Variants in DGKI observed in about 807,000 individuals in gnomAD.
DGKI encodes diacylglycerol kinase iota, also known as DAG kinase iota.
Under a neutral mutation model 147.5 loss-of-function variants are expected in DGKI, and 55 were observed. The observed-to-expected ratio is 0.37, with a 90% confidence interval of 0.30 to 0.47. The LOEUF is 0.47. DGKI is among the 20% of genes least tolerant of loss of function. The pLI is 1.00. For missense variants in DGKI, 1,007 were observed against 1,323.8 expected (o/e 0.76, Z 3.71); for synonymous variants, 469 against 477.1 (o/e 0.98, Z 0.22).
In DGKI at chr7:137,579,371, C is replaced by G. The variant is rs1197875429; in HGVS notation, c.1643-1046G>C. 2.0e-5 allele frequency among the ~76,000 whole-genome samples: 3 copies of G among 146,710 alleles called. No homozygotes were observed. In the East Asian group the frequency reaches 5.9e-4, roughly 29 times the overall value. ...GCTTATCCTGTTTTTTCTTCTATAG[C>G]TTAGCTTAAGATTTCTTGACTAACT... On this transcript the variant is annotated intron_variant, in intron 15 of 32. Coordinates refer to ENST00000614521, the MANE Select transcript of DGKI (RefSeq NM_001321708.2).
At chr7:137,735,967 A>T (rs1335714502) in intron 1 of DGKI, among the ~76,000 whole-genome samples, 1 of 152,118 alleles carries the variant, frequency 6.6e-6, no homozygotes, top group Non-Finnish European at 1.5e-5. Flanking sequence ...GTGAGTGTAC[A>T]TCAATGAACA....
At chr7:137,802,857 A>C (rs1797257997) in intron 1 of DGKI, among the ~76,000 whole-genome samples, 1 of 152,202 alleles carries the variant, frequency 6.6e-6, no homozygotes, top group African/African-American at 2.4e-5. Flanking sequence ...AATTTTATTT[A>C]ACTAATACCT....
chr7:137,659,759 C>T (rs1327013380), intron 3 of DGKI, among the ~76,000 whole-genome samples: 1 of 152,106 alleles, frequency 6.6e-6, no homozygotes, highest in Non-Finnish European at 1.5e-5. Context: ...AGTGAAAGCT[C>T]GTCTCTACTA....
chr7:137,774,818 A>G (rs1409328792), intron 1 of DGKI: 3 of 152,146 alleles, frequency 2.0e-5, no homozygotes, highest in South Asian at 2.1e-4. Context: ...TCTTGTGTTA[A>G]GGTCCTATAT....
Position 137,458,957 on chromosome 7 carries a change from T to A in DGKI, c.2735+4532A>T, listed in dbSNP as rs145394616. ...ATGTCAGTCAACCACTTCTCACCAA[T>A]TCATTTCAAAATTGGTTCTTAAATA... is the stretch of plus-strand genomic sequence containing the variant. On this transcript the variant is annotated intron_variant, in intron 27 of 32. Transcript: ENST00000614521. 3.1e-3 allele frequency among the ~76,000 whole-genome samples: 468 copies of A among 152,308 alleles called. 2 individuals are homozygous for A. The highest frequency in any genetic ancestry group is 0.01 in the African/African-American group (427 of 41,550).
At chr7:137,412,239 G>C (rs1013885877) in intron 28 of DGKI, 32 bp from the exon 29 acceptor site, 3 of 1,595,386 alleles carry the variant, frequency 1.9e-6, no homozygotes, top group Non-Finnish European at 2.6e-6. Flanking sequence ...TGTCCCATTA[G>C]TAGAAGACCC....
intron 1 of DGKI, among the ~76,000 whole-genome samples, chr7:137,696,210 C>T (rs1251020935): frequency 6.6e-6 from 1 of 152,156 alleles, no homozygotes; most frequent in African/African-American, 2.4e-5. Context: ...AGGGGTTATT[C>T]AAACAGAAGA....
chr7:137,691,807 T>TG (rs1823618534), intron 1 of DGKI, among the ~76,000 whole-genome samples: 1 of 132,700 alleles, frequency 7.5e-6, no homozygotes, highest in Admixed American at 7.2e-5. Context: ...GGTTTTTTTT[T>TG]TTTTTTTTTT....
chr7:137,830,023 G>C (rs1231829436), intron 1 of DGKI, among the ~76,000 whole-genome samples: 3 of 152,190 alleles, frequency 2.0e-5, no homozygotes, highest in Non-Finnish European at 4.4e-5. Context: ...GACAGAGGAA[G>C]GGATGGATGT....
At chr7:137,500,701 A>T (rs1002884696) in intron 21 of DGKI, among the ~76,000 whole-genome samples, 3 of 152,134 alleles carry the variant, frequency 2.0e-5, no homozygotes, top group African/African-American at 7.2e-5. Context: ...AAAGGTTACA[A>T]TGAAAGGTGC....
Position 137,581,903 on chromosome 7 carries a change from T to C in DGKI, c.1589A>G (p.Tyr530Cys), listed in dbSNP as rs1819209732. The stretch of plus-strand genomic sequence containing the variant: ...ATGGGCATCAAATCCAAGGCTGAAG[T>C]AGTTATTGAAAACATTCAGAGGGAG... ...CKLPLNVFNN[Y>C]FSLGFDAHVT... is the part of the protein sequence containing the mutation. Residue 530 changes from tyrosine to cysteine, a missense_variant, in exon 15 of 33, where the codon TAC becomes TGC. This residue lies in a region of DGKI where 224 missense variants were observed against 382.7 expected (regional missense o/e 0.59). Transcript: ENST00000614521. 1 of 1,613,548 alleles carries C rather than the reference T, an allele frequency of 6.2e-7. No homozygotes were observed. Among genetic ancestry groups the C allele is most frequent in the Non-Finnish European group, 8.5e-7 (1 of 1,179,546 alleles).
chr7:137,389,826 T>A lies in DGKI; in HGVS notation c.*1394A>T, dbSNP rs1433113422. The A allele has an allele frequency of 6.6e-6, 1 of 151,830 alleles. No individual in the cohort carries two copies. The highest frequency in any genetic ancestry group is 1.5e-5 in the Non-Finnish European group (1 of 67,812). 9.4% of individuals were successfully genotyped at this position (151,830 alleles called of 1,614,324 possible). A position where few individuals can be genotyped will look rare whatever the true frequency, so the allele number is the denominator to read the frequency against. ...TCCAATGGTGGTTTGCACTAAGGAC[T>A]TTCTGAAAAGGGAAAAATAAAGTAG... On this transcript the variant is annotated 3_prime_UTR_variant, in exon 33 of 33. Coordinates refer to ENST00000614521, the MANE Select transcript of DGKI (RefSeq NM_001321708.2).
chr7:137,628,609 G>A (rs758671057), intron 6 of DGKI, among the ~76,000 whole-genome samples: 5 of 152,304 alleles, frequency 3.3e-5, no homozygotes, highest in Non-Finnish European at 5.9e-5. Flanking sequence ...AACCGACTCT[G>A]TGATTTTTAA....
At chr7:137,399,426 A>G (rs113804799) in intron 30 of DGKI, among the ~76,000 whole-genome samples, 6 of 152,212 alleles carry the variant, frequency 3.9e-5, no homozygotes, top group African/African-American at 7.2e-5. Flanking sequence ...CCTCCCACAC[A>G]CATACAAAAG....
Position 137,807,797 on chromosome 7 carries a change from C to G in DGKI, c.401+38665G>C, listed in dbSNP as rs977331693. On this transcript the variant is annotated intron_variant, in intron 1 of 32. Coordinates refer to ENST00000614521, the MANE Select transcript of DGKI (RefSeq NM_001321708.2). ...GCTGCTGCTACTGTCCATAAACACACTTTGAGTGGCATGGCCCTAACACTA... is the reference window on the plus strand; with the variant it reads ...GCTGCTGCTACTGTCCATAAACACAGTTTGAGTGGCATGGCCCTAACACTA... 2.0e-5 allele frequency among the ~76,000 whole-genome samples: 3 copies of G among 152,196 alleles called. No individual in the cohort carries two copies. In the South Asian group the frequency reaches 6.2e-4, roughly 32 times the overall value.
intron 17 of DGKI, among the ~76,000 whole-genome samples, chr7:137,573,923 C>T (rs1818879016): frequency 6.6e-6 from 1 of 152,240 alleles, no homozygotes; most frequent in East Asian, 1.9e-4. Context: ...AAGAGAATAA[C>T]TCTAGTCATG....
At chr7:137,813,974 A>T (rs1159279361) in intron 1 of DGKI, among the ~76,000 whole-genome samples, 2 of 152,210 alleles carry the variant, frequency 1.3e-5, no homozygotes, top group Non-Finnish European at 2.9e-5. Flanking sequence ...GCTCATAATG[A>T]GGCAAAATGG....
rs1377649648 is a variant in DGKI, at chr7:137,381,321, C to T, written c.*9899G>A. On this transcript the variant is annotated 3_prime_UTR_variant, in exon 33 of 33. Transcript: ENST00000614521. The stretch of plus-strand genomic sequence containing the variant: ...CCCCCCACCCACCCTCCCTCCACTT[C>T]GTATTATCTGAATCCTCCTTTACCT... The T allele has an allele frequency of 1.5e-5, 2 of 131,432 alleles. No homozygotes were observed. Among genetic ancestry groups the T allele is most frequent in the African/African-American group, 5.6e-5 (2 of 35,862 alleles). The allele number at this position is 131,432 out of a possible 1,614,324, so 8.1% of individuals were successfully genotyped here. A position where few individuals can be genotyped will look rare whatever the true frequency, so the allele number is the denominator to read the frequency against.
At chr7:137,517,274 AAAGAAAAAG>A (rs1816787087) in intron 21 of DGKI, among the ~76,000 whole-genome samples, 5 of 99,938 alleles carry the variant, frequency 5.0e-5, no homozygotes, top group African/African-American at 6.1e-5. Flanking sequence ...GAAAGAAAGA[AAAGAAAAAG>A]AAAGAAAGAA....
Sources: gnomAD v4.1 joint callset for allele counts (sites outside exome capture counted in the v4.1 genomes callset) on GRCh38, gnomAD v4.1.1 for gene constraint, gnomAD v4.1.1 regional missense constraint, MANE v1.5 for transcripts, NCBI Gene and HGNC (gene_info 2026-07-23, HGNC 2026-07-21) for gene names.